The following CACNA2D2 variants were observed in gnomAD, a reference collection of about 807,000 sequenced individuals.
The protein encoded by CACNA2D2 is voltage-dependent calcium channel subunit alpha-2/delta-2.
CACNA2D2 carries 48 observed loss-of-function variants against 166.4 expected under a neutral mutation model. That is an observed-to-expected ratio of 0.29 (90% CI 0.23 to 0.37). CACNA2D2 has a LOEUF of 0.37. CACNA2D2 is among the 10% of genes least tolerant of loss of function. CACNA2D2 has a pLI of 1.00. For synonymous variants in CACNA2D2, 561 were observed against 573.7 expected, an observed-to-expected ratio of 0.98 and a Z score of 0.32; for missense variants, 1,122 against 1,433.0, an observed-to-expected ratio of 0.78 and a Z score of 3.50.
intron 3 of CACNA2D2, among the ~76,000 whole-genome samples, chr3:50,394,853 G>A (rs1706068412): frequency 6.6e-6 from 1 of 152,234 alleles, no homozygotes; most frequent in Non-Finnish European, 1.5e-5. Context: ...TGGCAGGCCT[G>A]GTCCTGCCTC....
At chr3:50,438,682 G>C (rs571820172) in intron 2 of CACNA2D2, among the ~76,000 whole-genome samples, 1 of 152,296 alleles carries the variant, frequency 6.6e-6, no homozygotes, top group African/African-American at 2.4e-5. Context: ...AGCCACCACA[G>C]GAAACTAAAG....
chr3:50,383,919 TG>T (rs2106685836), intron 6 of CACNA2D2, among the ~76,000 whole-genome samples: 1 of 152,304 alleles, frequency 6.6e-6, no homozygotes, highest in African/African-American at 2.4e-5. Context: ...TGCATTTGTG[TG>T]GGTGCCTGTG....
chr3:50,501,414 T>C (rs1422362842), intron 1 of CACNA2D2, among the ~76,000 whole-genome samples: 1 of 117,858 alleles, frequency 8.5e-6, no homozygotes, highest in Non-Finnish European at 1.6e-5. Flanking sequence ...CTAATTACAG[T>C]TTGCAAGACA....
rs762458830 is a variant in CACNA2D2 at position 50,366,214 on chromosome 3, C to T, written c.2710-51G>A. The T allele has an allele frequency of 3.7e-6, 6 of 1,614,020 alleles. No homozygotes were observed. Among genetic ancestry groups the T allele is most frequent in the Non-Finnish European group, 5.1e-6 (6 of 1,179,934 alleles). The stretch of plus-strand genomic sequence containing the variant: ...GTCACAGGGCTGGCAGTGCTACACC[C>T]CTAGAAGGCTCAAATCCCTACTCTC... On this transcript the variant is annotated intron_variant, in intron 31 of 37. Transcript: ENST00000424201. This position sits in a 1 kb window ranked among gnomAD's most constrained non-coding sequence, Gnocchi z 5.9.
At chr3:50,403,065 G>C (rs1247467829) in intron 3 of CACNA2D2, among the ~76,000 whole-genome samples, 1 of 152,148 alleles carries the variant, frequency 6.6e-6, no homozygotes, top group Non-Finnish European at 1.5e-5. Flanking sequence ...AGAGGCCAAG[G>C]TACCCAAGTT....
intron 1 of CACNA2D2, among the ~76,000 whole-genome samples, chr3:50,494,456 G>A (rs1286433779): frequency 1.3e-5 from 2 of 152,064 alleles, no homozygotes; most frequent in Non-Finnish European, 2.9e-5. Context: ...TCAGGAATAC[G>A]CCAGCCCCTC....
chr3:50,426,884 CTT>C (rs778560926), intron 3 of CACNA2D2, among the ~76,000 whole-genome samples: 3 of 152,188 alleles, frequency 2.0e-5, no homozygotes, highest in Non-Finnish European at 4.4e-5. Context: ...GACTATTTCT[CTT>C]GAGGACCCTT....
chr3:50,476,784 C>T (rs998982364), intron 1 of CACNA2D2, among the ~76,000 whole-genome samples: 3 of 152,128 alleles, frequency 2.0e-5, no homozygotes, highest in Non-Finnish European at 4.4e-5. Context: ...GACGCTTACC[C>T]GAGGCTCATT....
intron 4 of CACNA2D2, among the ~76,000 whole-genome samples, chr3:50,389,747 G>A (rs1705795995): frequency 6.6e-6 from 1 of 152,228 alleles, no homozygotes; most frequent in Non-Finnish European, 1.5e-5. Flanking sequence ...TGTCACCCAG[G>A]AGGATTCTTA....
At chr3:50,458,242 G>A (rs1407080399) in intron 2 of CACNA2D2, among the ~76,000 whole-genome samples, 2 of 152,204 alleles carry the variant, frequency 1.3e-5, no homozygotes, top group Non-Finnish European at 2.9e-5. Flanking sequence ...TTGGGACGAG[G>A]GGCACCTGGC....
chr3:50,454,638 G>C (rs957384146), intron 2 of CACNA2D2, among the ~76,000 whole-genome samples: 1 of 152,128 alleles, frequency 6.6e-6, no homozygotes, highest in Non-Finnish European at 1.5e-5. Context: ...TTTAGAGACT[G>C]GAAAAAATAA....
chr3:50,415,584 C>CT (rs1335880628), intron 3 of CACNA2D2, among the ~76,000 whole-genome samples: 1 of 152,246 alleles, frequency 6.6e-6, no homozygotes, highest in Non-Finnish European at 1.5e-5. Context: ...CCTGAGGTGT[C>CT]TGTGTGTCCC....
At chr3:50,486,720 CT>C (rs1465791109) in intron 1 of CACNA2D2, among the ~76,000 whole-genome samples, 1 of 152,244 alleles carries the variant, frequency 6.6e-6, no homozygotes, top group Non-Finnish European at 1.5e-5. Flanking sequence ...TCTCACCACA[CT>C]TTACCAAGCC....
At position 50,452,124 on chromosome 3, in the gene CACNA2D2, TCA is replaced by T. The variant is rs374616844; in HGVS notation, c.289-17697_289-17696del. Among the ~76,000 whole-genome samples the T allele has an allele frequency of 9.9e-5, 15 of 152,280 alleles. No homozygotes were observed. In the East Asian group the frequency reaches 1.9e-3, roughly 20 times the overall value. On this transcript the variant is annotated intron_variant, in intron 2 of 37. Transcript: ENST00000424201. ...GCAGATGTGGCTCCACTGCCTGTGGTCACAGAGGTGGAGTGGGGGTGCACAGA... is the reference window on the plus strand; with the variant it reads ...GCAGATGTGGCTCCACTGCCTGTGGTCAGAGGTGGAGTGGGGGTGCACAGA...
intron 2 of CACNA2D2, among the ~76,000 whole-genome samples, chr3:50,467,471 C>G (rs972240245): frequency 3.9e-5 from 6 of 152,178 alleles, no homozygotes; most frequent in African/African-American, 1.2e-4. Context: ...TGCCGCTTTG[C>G]TTCTCCATCT....
chr3:50,456,900 C>G (rs1709380807), intron 2 of CACNA2D2, among the ~76,000 whole-genome samples: 1 of 152,116 alleles, frequency 6.6e-6, no homozygotes, highest in South Asian at 2.1e-4. Context: ...TGTGGCTCCC[C>G]CAAGGACAGT....
chr3:50,382,851 G>A (rs918693538), intron 6 of CACNA2D2, among the ~76,000 whole-genome samples: 7 of 152,148 alleles, frequency 4.6e-5, no homozygotes, highest in Non-Finnish European at 8.8e-5. Flanking sequence ...CCTGCTCTGC[G>A]TGGGCTGTCC....
At chr3:50,401,999 C>T (rs761048916) in intron 3 of CACNA2D2, among the ~76,000 whole-genome samples, 5 of 152,218 alleles carry the variant, frequency 3.3e-5, no homozygotes, top group Non-Finnish European at 5.9e-5. Flanking sequence ...AGTTGTGAGC[C>T]ACTGCATCCG....
chr3:50,374,703 G>C (rs778586158), intron 22 of CACNA2D2, 34 bp downstream of exon 22: 1 of 1,567,946 alleles, frequency 6.4e-7, no homozygotes, highest in Non-Finnish European at 8.6e-7. Context: ...GCAGAGGCAG[G>C]GTGCAGGGCG....
Sources: gnomAD v4.1 joint callset for allele counts (sites outside exome capture counted in the v4.1 genomes callset) on GRCh38, gnomAD v4.1.1 for gene constraint, Gnocchi (gnomAD v3.1) non-coding constraint, MANE v1.5 for transcripts, NCBI Gene and HGNC (gene_info 2026-07-23, HGNC 2026-07-21) for gene names.